EXD1: variants seen among roughly 807,000 people sequenced by gnomAD.
The protein encoded by EXD1 is piRNA biogenesis protein EXD1.
A neutral mutation model predicts 49.1 loss-of-function variants in EXD1; 63 were observed. The observed-to-expected ratio is 1.28, with a 90% confidence interval of 1.05 to 1.58. The LOEUF (loss-of-function observed/expected upper bound fraction) is 1.58, where lower values mean the gene tolerates loss of function less well. EXD1 is among the 40% of genes most tolerant of loss of function. The pLI is 0.00. For synonymous variants in EXD1, 234 were observed against 239.2 expected (o/e 0.98, Z 0.20); for missense variants, 748 against 666.0 (o/e 1.12, Z -1.36).
chr15:41,230,131 T>G (rs2047217277), intron 1 of EXD1, among the ~76,000 whole-genome samples: 1 of 146,660 alleles, frequency 6.8e-6, no homozygotes, highest in African/African-American at 2.6e-5. Flanking sequence ...TCACCCAGGC[T>G]GGAGAGCAAT....
chr15:41,190,118 T>G lies in EXD1; in HGVS notation c.875A>C (p.Glu292Ala). The change falls in exon 11 of 12, where the codon GAA becomes GCA. Residue 292 changes from glutamate (E) to alanine (A), a missense_variant. By Grantham distance (107) the Glu-to-Ala change is moderately radical. Transcript: ENST00000458580. Reference sequence around the variant, plus strand: ...TGAAACAGGTCGGATGAACCATACTTCTGGATTTTCCTGGAGACAATAAAA... The same window carrying G: ...TGAAACAGGTCGGATGAACCATACTGCTGGATTTTCCTGGAGACAATAAAA... ...KRQKLIQENP[E>A]VWFIRPVSPS... The G allele has an allele frequency of 1.2e-6, 2 of 1,614,108 alleles. No homozygotes were observed. The highest frequency in any genetic ancestry group is 1.3e-5 in the African/African-American group (1 of 75,044).
At chr15:41,196,265 G>A (rs970455178) in intron 7 of EXD1, among the ~76,000 whole-genome samples, 1 of 151,186 alleles carries the variant, frequency 6.6e-6, no homozygotes, top group Non-Finnish European at 1.5e-5. Context: ...TCCTGCCTCG[G>A]CCTCCTGATA....
intron 6 of EXD1, among the ~76,000 whole-genome samples, chr15:41,210,139 T>C (rs1368350963): frequency 6.6e-6 from 1 of 152,114 alleles, no homozygotes; most frequent in Non-Finnish European, 1.5e-5. Flanking sequence ...GGTCTCAAAC[T>C]CCTGACCTCA....
chr15:41,198,771 T>A (rs1162284748), intron 7 of EXD1, among the ~76,000 whole-genome samples: 1 of 151,858 alleles, frequency 6.6e-6, no homozygotes, highest in East Asian at 1.9e-4. Flanking sequence ...AATGGTACAA[T>A]CTCGGCTCAC....
chr15:41,195,798 G>A lies in EXD1; in HGVS notation c.697C>T (p.Leu233=). The part of the protein sequence containing the change: ...DCLSHQYGIL[L]NNVFDTQVAD... ...ACCTGTGTGTCAAAGACATTATTCA[G>A]CAAAATTCCATACTGATGAGAGAGG... is the stretch of plus-strand genomic sequence containing the variant. The change falls in exon 9 of 12, where the codon CTG becomes TTG. Residue 233 remains leucine (L), a synonymous_variant. Transcript: ENST00000458580. 1.2e-6 allele frequency: 2 copies of A among 1,613,432 alleles called. No homozygotes were observed. The highest frequency in any genetic ancestry group is 1.7e-6 in the Non-Finnish European group (2 of 1,179,832).
Position 41,190,063 on chromosome 15 carries a change from T to A in EXD1, c.930A>T (p.Glu310Asp), listed in dbSNP as rs978328508. The A allele has an allele frequency of 5.0e-6, 8 of 1,614,180 alleles. No individual in the cohort carries two copies. The highest frequency in any genetic ancestry group is 6.8e-6 in the Non-Finnish European group (8 of 1,180,020). ...AGCGAAGGGGTAACAGGTAGGTAGC[T>A]TCCAGGGCCAAAATTTTCAGTAAAG... ...SPSLLKILAL[E>D]ATYLLPLRLA... is the part of the protein sequence containing the mutation. The change falls in exon 11 of 12, where the codon GAA (glutamate) becomes GAT (aspartate). Residue 310 changes from glutamate to aspartate, a missense_variant. By Grantham distance (45) the Glu-to-Asp change is conservative. Coordinates refer to ENST00000458580, the MANE Select transcript of EXD1 (RefSeq NM_001286441.2).
rs770921161 is a variant in EXD1, at chr15:41,184,107, C to T, written c.1543G>A (p.Glu515Lys). The part of the protein sequence containing the change: ...TEQLLMVENK[E>K]DLKCTKQAVS... ...GCCTGTTTTGTGCATTTTAAATCTT[C>T]CTTGTTTTCCACCATCAATAACTGT... The change falls in exon 12 of 12, where the codon GAA (glutamate) becomes AAA (lysine). Residue 515 changes from glutamate (E) to lysine (K), a missense_variant. Physicochemically the swap from Glu to Lys is moderately conservative, Grantham distance 56. Coordinates refer to ENST00000458580, the MANE Select transcript of EXD1 (RefSeq NM_001286441.2). The T allele has an allele frequency of 5.5e-5, 89 of 1,614,046 alleles. No individual in the cohort carries two copies. The highest frequency in any genetic ancestry group is 3.7e-4 in the Admixed American group (22 of 59,988).
intron 1 of EXD1, 108 bp downstream of exon 1, chr15:41,230,371 C>G (rs1449467126): frequency 8.2e-7 from 1 of 1,216,322 alleles, no homozygotes; most frequent in East Asian, 2.5e-5. Context: ...GCGTGAGCCA[C>G]CGTGCCAGGC....
At chr15:41,223,273 A>G (rs1243246582) in intron 2 of EXD1, among the ~76,000 whole-genome samples, 1 of 152,100 alleles carries the variant, frequency 6.6e-6, no homozygotes, top group Non-Finnish European at 1.5e-5. Flanking sequence ...TTAAAAAATT[A>G]GCTGGTCTTG....
At chr15:41,222,699 G>A (rs2047107826) in intron 2 of EXD1, among the ~76,000 whole-genome samples, 1 of 148,812 alleles carries the variant, frequency 6.7e-6, no homozygotes, top group South Asian at 2.1e-4. Flanking sequence ...AGCACTTTGG[G>A]AGGCTGAGGC....
chr15:41,198,722 T>A (rs925952005), intron 7 of EXD1, among the ~76,000 whole-genome samples: 9 of 151,692 alleles, frequency 5.9e-5, no homozygotes, highest in African/African-American at 1.7e-4. Context: ...TTTTTTTTTT[T>A]AAGACAGAGT....
chr15:41,198,852 C>T (rs1378945157), intron 7 of EXD1, among the ~76,000 whole-genome samples: 3 of 151,544 alleles, frequency 2.0e-5, no homozygotes, highest in Non-Finnish European at 2.9e-5. Flanking sequence ...ATTACAGGTG[C>T]CTGCCACCAC....
At chr15:41,206,474 G>GAAAAAA (rs34195951) in intron 7 of EXD1, among the ~76,000 whole-genome samples, 2 of 87,148 alleles carry the variant, frequency 2.3e-5, no homozygotes, top group Non-Finnish European at 2.6e-5. Context: ...ACCCTGTCTC[G>GAAAAAA]AAAAAAAAAA....
Position 41,219,819 on chromosome 15 carries a change from G to C in EXD1, c.202+11C>G, listed in dbSNP as rs189085487. The C allele has an allele frequency of 8.5e-6, 13 of 1,532,564 alleles. No individual in the cohort carries two copies. The Admixed American group carries it at 1.8e-4, about 21-fold the overall frequency. The allele number at this position is 1,532,564 out of a possible 1,614,324, so 94.9% of individuals were successfully genotyped here. On this transcript the variant is annotated intron_variant, in intron 3 of 11. Coordinates refer to ENST00000458580, the MANE Select transcript of EXD1 (RefSeq NM_001286441.2). The stretch of plus-strand genomic sequence containing the variant: ...CAGTACTAGCATTTTCAAGGAACAT[G>C]GGGGTCTCACCATTCACAATCTCAT...
chr15:41,215,081 T>G (rs1224946124), intron 6 of EXD1, among the ~76,000 whole-genome samples: 2 of 152,136 alleles, frequency 1.3e-5, no homozygotes, highest in African/African-American at 2.4e-5. Flanking sequence ...ATGGCTCCCT[T>G]ACTTACTCAG....
chr15:41,187,368 G>A (rs2046428666), intron 11 of EXD1, among the ~76,000 whole-genome samples: 1 of 152,136 alleles, frequency 6.6e-6, no homozygotes, highest in Non-Finnish European at 1.5e-5. Context: ...GGGATTACAG[G>A]CATGAGCCAC....
intron 2 of EXD1, among the ~76,000 whole-genome samples, chr15:41,222,408 G>A (rs1383661092): frequency 2.0e-5 from 3 of 152,114 alleles, no homozygotes; most frequent in South Asian, 2.1e-4. Flanking sequence ...GAGCCACAGC[G>A]CCCAGCCGCT....
chr15:41,186,970 C>T (rs1270265195), intron 11 of EXD1, among the ~76,000 whole-genome samples: 2 of 151,590 alleles, frequency 1.3e-5, no homozygotes, highest in South Asian at 2.1e-4. Context: ...CCGCAACCTC[C>T]GCCTCCCAGG....
At chr15:41,196,144 CTTTATTTA>C (rs901560762) in intron 7 of EXD1, 107 bp from the exon 8 acceptor site, 2 of 780,524 alleles carry the variant, frequency 2.6e-6, no homozygotes, top group Non-Finnish European at 4.0e-6. Context: ...AACATCTTCA[CTTTATTTA>C]TTTATTTATT....
Sources: gnomAD v4.1 joint callset for allele counts (sites outside exome capture counted in the v4.1 genomes callset) on GRCh38, gnomAD v4.1.1 for gene constraint, MANE v1.5 for transcripts, NCBI Gene and HGNC (gene_info 2026-07-23, HGNC 2026-07-21) for gene names.